Variants in NEGR1 observed in about 807,000 individuals in gnomAD.
The protein encoded by NEGR1 is IgLON family member 4.
NEGR1 carries 10 observed loss-of-function variants against 40.9 expected under a neutral mutation model. The ratio of observed to expected loss-of-function variants is 0.24; its 90% CI spans 0.15 to 0.42. The LOEUF is 0.42. NEGR1 is among the 10% of genes least tolerant of loss of function. NEGR1 has a pLI of 1.00. For missense variants in NEGR1, 352 were observed against 438.9 expected (o/e 0.80, Z 1.77); for synonymous variants, 185 against 166.8 (o/e 1.11, Z -0.84).
chr1:72,185,488 T>C (rs908321766), intron 1 of NEGR1, among the ~76,000 whole-genome samples: 1 of 151,724 alleles, frequency 6.6e-6, no homozygotes, highest in African/African-American at 2.4e-5. Flanking sequence ...TGAGAAACAA[T>C]AAGGGCTGCC....
intron 3 of NEGR1, among the ~76,000 whole-genome samples, chr1:71,730,052 T>A (rs936910869): frequency 6.6e-6 from 1 of 151,876 alleles, no homozygotes; most frequent in South Asian, 2.1e-4. Flanking sequence ...AAATAGGGGA[T>A]CAGAAAGATT....
At chr1:72,016,399 C>T (rs1293434844) in intron 1 of NEGR1, among the ~76,000 whole-genome samples, 1 of 152,016 alleles carries the variant, frequency 6.6e-6, no homozygotes, top group African/African-American at 2.4e-5. Context: ...AGTGGGAGAA[C>T]CAGGTTTCAA....
At chr1:71,650,430 A>T (rs1054912133) in intron 4 of NEGR1, among the ~76,000 whole-genome samples, 1 of 152,184 alleles carries the variant, frequency 6.6e-6, no homozygotes, top group African/African-American at 2.4e-5. Context: ...TTTAGGACTG[A>T]AAACTAGTAA....
At chr1:71,943,335 A>G (rs901357568) in intron 1 of NEGR1, among the ~76,000 whole-genome samples, 5 of 150,760 alleles carry the variant, frequency 3.3e-5, no homozygotes, top group Non-Finnish European at 5.9e-5. Flanking sequence ...ACTTAGAGCC[A>G]TTTATATATA....
chr1:72,176,751 G>T (rs564494917), intron 1 of NEGR1, among the ~76,000 whole-genome samples: 2 of 152,028 alleles, frequency 1.3e-5, no homozygotes, highest in Non-Finnish European at 2.9e-5. Context: ...GCTTGCATTT[G>T]TAAGCAGGAA....
chr1:71,430,769 C>G (rs1177574003), intron 6 of NEGR1, among the ~76,000 whole-genome samples: 1 of 128,150 alleles, frequency 7.8e-6, no homozygotes, highest in Admixed American at 9.9e-5. Context: ...TGCAGTGGCG[C>G]GATCTCGGCT....
intron 2 of NEGR1, chr1:71,837,106 C>G (rs1251466127): frequency 6.6e-6 from 1 of 152,144 alleles, no homozygotes; most frequent in Non-Finnish European, 1.5e-5. Context: ...GCATCTCTGA[C>G]AAATACTAGC....
intron 1 of NEGR1, among the ~76,000 whole-genome samples, chr1:72,266,145 C>T (rs563494631): frequency 6.6e-6 from 1 of 150,814 alleles, no homozygotes; most frequent in South Asian, 2.1e-4. Flanking sequence ...GAAAAGTGTG[C>T]CCTTGGCCTC....
intron 1 of NEGR1, among the ~76,000 whole-genome samples, chr1:71,983,031 T>G (rs757102840): frequency 2.6e-5 from 4 of 152,136 alleles, no homozygotes; most frequent in African/African-American, 9.7e-5. Context: ...CTGCTGCACA[T>G]GCTACCTGGA....
At chr1:72,234,074 G>C (rs1019661591) in intron 1 of NEGR1, among the ~76,000 whole-genome samples, 2 of 151,880 alleles carry the variant, frequency 1.3e-5, no homozygotes, top group African/African-American at 4.8e-5. Context: ...CAAAGTATTC[G>C]CTTACCCAGG....
intron 2 of NEGR1, among the ~76,000 whole-genome samples, chr1:71,888,162 A>C (rs968548978): frequency 1.3e-5 from 2 of 152,104 alleles, no homozygotes; most frequent in Non-Finnish European, 2.9e-5. Flanking sequence ...CTTCTAACCT[A>C]TCTCTGAATA....
chr1:72,052,579 C>T (rs1027534051), intron 1 of NEGR1, among the ~76,000 whole-genome samples: 2 of 151,404 alleles, frequency 1.3e-5, no homozygotes, highest in Non-Finnish European at 3.0e-5. Flanking sequence ...TACATAACCA[C>T]ATTTCACAAA....
At chr1:72,225,039 C>G (rs1227820770) in intron 1 of NEGR1, among the ~76,000 whole-genome samples, 2 of 152,012 alleles carry the variant, frequency 1.3e-5, no homozygotes, top group Non-Finnish European at 2.9e-5. Flanking sequence ...CAAGGGAGAA[C>G]TGATTGCAAA....
At chr1:71,765,164 C>G (rs559789602) in intron 3 of NEGR1, among the ~76,000 whole-genome samples, 2 of 152,146 alleles carry the variant, frequency 1.3e-5, no homozygotes, top group Non-Finnish European at 2.9e-5. Flanking sequence ...GACACCTGCA[C>G]AGTTGGTCAA....
intron 1 of NEGR1, among the ~76,000 whole-genome samples, chr1:71,974,509 T>A (rs1646285389): frequency 6.6e-6 from 1 of 152,100 alleles, no homozygotes; most frequent in African/African-American, 2.4e-5. Flanking sequence ...CAAATTGACA[T>A]AAAATTATAA....
At chr1:71,810,185 C>T (rs1165248430) in intron 2 of NEGR1, among the ~76,000 whole-genome samples, 1 of 152,006 alleles carries the variant, frequency 6.6e-6, no homozygotes, top group Non-Finnish European at 1.5e-5. Flanking sequence ...GTTAAGCTAC[C>T]CTTAACCTAT....
chr1:71,546,882 GT>G (rs1647916108), intron 6 of NEGR1, among the ~76,000 whole-genome samples: 1 of 151,726 alleles, frequency 6.6e-6, no homozygotes, highest in African/African-American at 2.4e-5. Flanking sequence ...TCTACTGTCA[GT>G]TTCCTATATA....
intron 2 of NEGR1, among the ~76,000 whole-genome samples, chr1:71,827,031 T>A (rs992268218): frequency 2.0e-5 from 3 of 151,880 alleles, no homozygotes; most frequent in East Asian, 2.0e-4. Context: ...TTTAAGCTTA[T>A]ACTTTTGCTA....
At chr1:72,240,444 C>A (rs1180727073) in intron 1 of NEGR1, among the ~76,000 whole-genome samples, 1 of 151,744 alleles carries the variant, frequency 6.6e-6, no homozygotes, top group Admixed American at 6.6e-5. Flanking sequence ...ACTACTGCAT[C>A]CAGATCAGCT....
Sources: allele counts gnomAD v4.1 joint callset (sites outside exome capture counted in the v4.1 genomes callset), GRCh38; gene constraint gnomAD v4.1.1; transcripts MANE v1.5; gene names NCBI Gene and HGNC (gene_info 2026-07-23, HGNC 2026-07-21).